The following RANBP17 variants were observed in gnomAD, a reference collection of about 807,000 sequenced individuals.
RANBP17 encodes ran-binding protein 17.
RANBP17 carries 158 observed loss-of-function variants against 141.2 expected under a neutral mutation model. The ratio of observed to expected loss-of-function variants is 1.12; its 90% CI spans 0.98 to 1.28. The LOEUF is 1.28. Ranked by LOEUF, RANBP17 falls within the 50% of genes most tolerant of loss-of-function variation. RANBP17 has a pLI of 0.00. For synonymous variants in RANBP17, 430 were observed against 450.0 expected (o/e 0.96, Z 0.56); for missense variants, 1,438 against 1,290.7 (o/e 1.11, Z -1.75).
intron 12 of RANBP17, among the ~76,000 whole-genome samples, chr5:170,951,372 A>C (rs985656251): frequency 6.6e-6 from 1 of 152,168 alleles, no homozygotes; most frequent in African/African-American, 2.4e-5. Flanking sequence ...CAATAAAAAT[A>C]AATAAGATCT....
chr5:170,891,219 C>T (rs1318874454), intron 3 of RANBP17, among the ~76,000 whole-genome samples: 2 of 152,038 alleles, frequency 1.3e-5, no homozygotes, highest in Non-Finnish European at 2.9e-5. Context: ...CAAATCAAAT[C>T]AAAGGTTAGT....
intron 14 of RANBP17, among the ~76,000 whole-genome samples, chr5:171,018,700 A>T (rs1450679900): frequency 6.6e-6 from 1 of 152,318 alleles, no homozygotes; most frequent in East Asian, 1.9e-4. Flanking sequence ...TGTCATCTGC[A>T]AACAGAGACA....
intron 14 of RANBP17, among the ~76,000 whole-genome samples, chr5:171,012,070 A>T (rs1780087901): frequency 1.1e-5 from 1 of 91,714 alleles, no homozygotes; most frequent in Non-Finnish European, 2.7e-5. Flanking sequence ...GTTTAAACGA[A>T]TATATTGTTT....
intron 14 of RANBP17, among the ~76,000 whole-genome samples, chr5:170,980,336 G>A (rs1777674743): frequency 6.6e-6 from 1 of 152,220 alleles, no homozygotes; most frequent in Non-Finnish European, 1.5e-5. Flanking sequence ...GCAGAAATTT[G>A]TATAAGTAAT....
intron 25 of RANBP17, 108 bp downstream of exon 25, chr5:171,265,955 G>C (rs1268425542): frequency 1.2e-6 from 1 of 850,888 alleles, no homozygotes; most frequent in South Asian, 1.8e-5. Context: ...TTTTATACTG[G>C]TAAAAAATAT....
chr5:171,023,402 A>G (rs897496890), intron 14 of RANBP17, among the ~76,000 whole-genome samples: 1 of 152,232 alleles, frequency 6.6e-6, no homozygotes, highest in Admixed American at 6.5e-5. Context: ...CCTATTAAGA[A>G]ATTGAACAGT....
intron 1 of RANBP17, chr5:170,867,112 C>T (rs1292180762): frequency 6.6e-6 from 1 of 152,214 alleles, no homozygotes; most frequent in Non-Finnish European, 1.5e-5. Context: ...CTATTGCACA[C>T]CAGCCTGGGC....
chr5:171,276,852 T>A (rs1767515981), intron 25 of RANBP17, among the ~76,000 whole-genome samples: 1 of 149,334 alleles, frequency 6.7e-6, no homozygotes, highest in African/African-American at 2.5e-5. Flanking sequence ...ACCTCTTCAT[T>A]AATAGTGGTT....
chr5:170,903,852 T>G (rs553246640), intron 5 of RANBP17: 13 of 459,126 alleles, frequency 2.8e-5, no homozygotes, highest in African/African-American at 2.7e-4. Context: ...CCTAACAAGC[T>G]CCGCAAGATT....
intron 14 of RANBP17, among the ~76,000 whole-genome samples, chr5:171,090,506 A>G (rs1786167993): frequency 6.6e-6 from 1 of 152,228 alleles, no homozygotes; most frequent in Non-Finnish European, 1.5e-5. Flanking sequence ...TTAGAAAAGA[A>G]TATCCCATTT....
At chr5:170,915,466 A>G (rs935648883) in intron 8 of RANBP17, among the ~76,000 whole-genome samples, 2 of 152,134 alleles carry the variant, frequency 1.3e-5, no homozygotes, top group Non-Finnish European at 2.9e-5. Flanking sequence ...AGGTGTTTTT[A>G]GTACGCTAGT....
intron 14 of RANBP17, among the ~76,000 whole-genome samples, chr5:170,976,569 C>G (rs1442634465): frequency 6.6e-6 from 1 of 152,140 alleles, no homozygotes; most frequent in Non-Finnish European, 1.5e-5. Flanking sequence ...CTCACACTTT[C>G]TAATTTCAAA....
intron 9 of RANBP17, 133 bp downstream of exon 9, chr5:170,916,717 C>CTTTT (rs5873244): frequency 4.0e-6 from 1 of 252,842 alleles, no homozygotes; most frequent in African/African-American, 2.5e-5. Flanking sequence ...TTCCTTAGAG[C>CTTTT]TTTTTTTTTT....
Position 171,032,713 on chromosome 5 carries a change from A to G in RANBP17, c.1710+64336A>G, listed in dbSNP as rs1781629129. Among the ~76,000 whole-genome samples, 3 of 152,154 alleles carry G rather than the reference A, an allele frequency of 2.0e-5. No individual in the cohort carries two copies. The South Asian group carries it at 6.2e-4, about 32-fold the overall frequency. Reference sequence around the variant, plus strand: ...ACTGTAATACTGTTTGTAACCCATTAGCACAGAGAAATTACAGCCCATCAT... The same window carrying G: ...ACTGTAATACTGTTTGTAACCCATTGGCACAGAGAAATTACAGCCCATCAT... On this transcript the variant is annotated intron_variant, in intron 14 of 27. Transcript: ENST00000523189.
chr5:171,242,942 G>T, intron 24 of RANBP17, 122 bp downstream of exon 24: 1 of 874,352 alleles, frequency 1.1e-6, no homozygotes, highest in African/African-American at 1.7e-5. Flanking sequence ...CAAACTGAAA[G>T]ATTATAATTA....
At chr5:171,094,115 G>A (rs1303172878) in intron 14 of RANBP17, among the ~76,000 whole-genome samples, 1 of 152,178 alleles carries the variant, frequency 6.6e-6, no homozygotes, top group Non-Finnish European at 1.5e-5. Flanking sequence ...ACCTAAAAAG[G>A]AGACTCAGGT....
intron 14 of RANBP17, among the ~76,000 whole-genome samples, chr5:171,038,699 G>T (rs892880911): frequency 2.0e-5 from 3 of 152,198 alleles, no homozygotes; most frequent in Admixed American, 6.5e-5. Context: ...CATCTATTGA[G>T]ATGGTTTTAT....
At chr5:171,199,524 C>CA (rs1762175804) in intron 18 of RANBP17, 146 bp from the exon 19 acceptor site, 1 of 473,266 alleles carries the variant, frequency 2.1e-6, no homozygotes, top group Non-Finnish European at 3.8e-6. Flanking sequence ...ATTCAGTGAG[C>CA]AAAAGTACAA....
At chr5:171,059,225 T>C (rs1406081012) in intron 14 of RANBP17, among the ~76,000 whole-genome samples, 1 of 152,134 alleles carries the variant, frequency 6.6e-6, no homozygotes, top group Non-Finnish European at 1.5e-5. Flanking sequence ...GTTTTAGACA[T>C]GAAGTCCTTG....
Sources: allele counts gnomAD v4.1 joint callset (sites outside exome capture counted in the v4.1 genomes callset), GRCh38; gene constraint gnomAD v4.1.1; transcripts MANE v1.5; gene names NCBI Gene and HGNC (gene_info 2026-07-23, HGNC 2026-07-21).